Variants in ZFYVE26 observed in about 807,000 individuals in gnomAD.
ZFYVE26 encodes zinc finger FYVE-type containing 26.
Under a neutral mutation model 276.5 loss-of-function variants are expected in ZFYVE26, and 181 were observed. That is an observed-to-expected ratio of 0.65 (90% CI 0.58 to 0.74). The LOEUF (loss-of-function observed/expected upper bound fraction) is 0.74, where lower values mean the gene tolerates loss of function less well. Ranked by LOEUF, ZFYVE26 falls within the 30% of genes least tolerant of loss-of-function variation. The pLI, the probability that ZFYVE26 is intolerant of heterozygous loss-of-function variation, is 0.00. For missense variants in ZFYVE26, 2,821 were observed against 3,097.9 expected, an observed-to-expected ratio of 0.91 and a Z score of 2.12; for synonymous variants, 1,129 against 1,203.1, an observed-to-expected ratio of 0.94 and a Z score of 1.27.
chr14:67,781,623 C>G (rs1402858660), intron 21 of ZFYVE26, 94 bp from the exon 22 acceptor site: 1 of 1,195,138 alleles, frequency 8.4e-7, no homozygotes, highest in Non-Finnish European at 1.2e-6. Context: ...TTTCTTCAAT[C>G]TCGTAAAAGA....
intron 13 of ZFYVE26, among the ~76,000 whole-genome samples, chr14:67,738,334 T>C (rs1480730358): frequency 6.8e-6 from 1 of 147,856 alleles, no homozygotes. Flanking sequence ...ATAATAATTA[T>C]ATACTAATAT....
At chr14:67,784,026 C>T (rs987052428) in intron 20 of ZFYVE26, among the ~76,000 whole-genome samples, 3 of 152,204 alleles carry the variant, frequency 2.0e-5, no homozygotes, top group African/African-American at 7.2e-5. Flanking sequence ...CACTTGCATT[C>T]TCTGAGAATG....
intron 31 of ZFYVE26, 128 bp downstream of exon 31, chr14:67,767,572 CTGGT>C: frequency 1.6e-6 from 2 of 1,225,840 alleles, no homozygotes; most frequent in Non-Finnish European, 2.4e-6. Flanking sequence ...AATGGATTTA[CTGGT>C]TTAGCTCCCA....
rs140263289 is a variant in ZFYVE26 at position 67,785,336 on chromosome 14, G to A, written c.3305-59C>T. 5.3e-4 allele frequency: 785 copies of A among 1,473,200 alleles called. 5 individuals are homozygous for A. In the African/African-American group the frequency reaches 9.8e-3, roughly 18 times the overall value. 91.3% of individuals were successfully genotyped at this position (1,473,200 alleles called of 1,614,324 possible). On this transcript the variant is annotated intron_variant, in intron 18 of 41. Transcript: ENST00000347230. ...CTTCAGTCTGTGAGTCCAGCTTTGG[G>A]TCAATTTCTGACTGGATATGTGAAC...
At position 67,747,686 on chromosome 14, in the gene ZFYVE26, A is replaced by G. The variant is rs1307729661; in HGVS notation, c.*750T>C. The G allele has an allele frequency of 2.8e-5, 3 of 107,504 alleles. No homozygotes were observed. The highest frequency in any genetic ancestry group is 1.5e-4 in the Admixed American group (1 of 6,768). The allele number at this position is 107,504 out of a possible 1,614,324, so 6.7% of individuals were successfully genotyped here. On this transcript the variant is annotated 3_prime_UTR_variant, in exon 42 of 42. Coordinates refer to ENST00000347230, the MANE Select transcript of ZFYVE26 (RefSeq NM_015346.4). ...CCGCCTCCCCTGTATCCCTGTTTGG[A>G]TGGTTAGCCTTTCTTTCCCTCTTGC...
intron 39 of ZFYVE26, 130 bp downstream of exon 39, chr14:67,753,577 T>C: frequency 1.9e-6 from 2 of 1,040,576 alleles, no homozygotes; most frequent in Non-Finnish European, 2.9e-6. Context: ...AGTCACATCC[T>C]TGATTTCATC....
At chr14:67,750,414 C>T (rs138395907) in intron 41 of ZFYVE26, 1 of 155,140 alleles carries the variant, frequency 6.4e-6, no homozygotes, top group East Asian at 1.9e-4. Context: ...TCATGCCCCT[C>T]CTGGCCTGGG....
intron 13 of ZFYVE26, among the ~76,000 whole-genome samples, chr14:67,739,430 A>G (rs542633888): frequency 7.0e-4 from 107 of 152,328 alleles, no homozygotes; most frequent in African/African-American, 2.5e-3. Flanking sequence ...TGACCTTATT[A>G]AGTCTGTGTC....
intron 32 of ZFYVE26, among the ~76,000 whole-genome samples, chr14:67,765,533 T>C (rs2039033796): frequency 6.6e-6 from 1 of 152,102 alleles, no homozygotes; most frequent in African/African-American, 2.4e-5. Flanking sequence ...GCAGAGAAAA[T>C]TATGCTCCCT....
intron 17 of ZFYVE26, 41 bp from the exon 18 acceptor site, chr14:67,786,063 C>G: frequency 6.2e-7 from 1 of 1,614,132 alleles, no homozygotes; most frequent in South Asian, 1.1e-5. Flanking sequence ...AAGTCTGTTG[C>G]TGACCTAATG....
In ZFYVE26 at chr14:67,748,326, GGGCAGAGCCA is replaced by G; in HGVS notation, c.*100_*109del. On this transcript the variant is annotated 3_prime_UTR_variant, in exon 42 of 42. Coordinates refer to ENST00000347230, the MANE Select transcript of ZFYVE26 (RefSeq NM_015346.4). ...GTCCAATCCAACTCTTTCCAACCTA[GGGCAGAGCCA>G]GAGAAGTCCCACTCCACTGGAGGAA... 1 of 1,276,688 alleles carries G rather than the reference GGGCAGAGCCA, an allele frequency of 7.8e-7. No individual in the cohort carries two copies. The highest frequency in any genetic ancestry group is 1.1e-6 in the Non-Finnish European group (1 of 919,362). 79.1% of individuals were successfully genotyped at this position (1,276,688 alleles called of 1,614,324 possible).
At chr14:67,768,412 G>A (rs2039115430) in intron 30 of ZFYVE26, 105 bp downstream of exon 30, 1 of 1,272,614 alleles carries the variant, frequency 7.9e-7, no homozygotes, top group Non-Finnish European at 1.1e-6. Flanking sequence ...AAGTTGGATG[G>A]AGTGCATAAG....
Position 67,813,982 on chromosome 14 carries a change from T to G in ZFYVE26, c.273+4A>C, listed in dbSNP as rs2040350224. The G allele has an allele frequency of 1.9e-6, 3 of 1,611,930 alleles. No homozygotes were observed. Among genetic ancestry groups the G allele is most frequent in the Admixed American group, 1.7e-5 (1 of 59,936 alleles). On this transcript the variant is annotated splice_donor_region_variant and intron_variant, in intron 3 of 41. Coordinates refer to ENST00000347230, the MANE Select transcript of ZFYVE26 (RefSeq NM_015346.4). ...GGAGGAAAATTTAATATAAACCTAC[T>G]TACCTTTTCCCGGGCCAACCATTTC...
At chr14:67,793,545 A>ATGCTCCGAGCCTTACC (rs1292053877) in intron 14 of ZFYVE26, 63 bp downstream of exon 14, 2 of 1,576,520 alleles carry the variant, frequency 1.3e-6, no homozygotes, top group Admixed American at 3.7e-5. Flanking sequence ...CTGGTTGTAC[A>ATGCTCCGAGCCTTACC]TGCTCCGAGC....
chr14:67,759,234 G>T (rs2038867939), intron 35 of ZFYVE26, among the ~76,000 whole-genome samples: 1 of 103,036 alleles, frequency 9.7e-6, no homozygotes, highest in African/African-American at 3.7e-5. Context: ...GACAGAGCCA[G>T]ACTCTGTCTG....
chr14:67,770,891 A>G (rs556330941), intron 28 of ZFYVE26, among the ~76,000 whole-genome samples: 4 of 152,338 alleles, frequency 2.6e-5, no homozygotes, highest in East Asian at 3.9e-4. Flanking sequence ...ACAAGCCACA[A>G]CCAATTGTCC....
chr14:67,756,012 G>A lies in ZFYVE26; in HGVS notation c.6722C>T (p.Ala2241Val). ...LESWGKYLIA[A>V]CQHLQKKNYY... ...GTTCTTCTTCTGTAAATGTTGGCAG[G>A]CAGCAATCAAGTACTTTCCCCAGCT... Residue 2241 changes from alanine (A) to valine (V), a missense_variant, in exon 36 of 42, where the codon GCC (alanine) becomes GTC (valine). Ala to Val is a moderately conservative substitution (Grantham distance 64). Coordinates refer to ENST00000347230, the MANE Select transcript of ZFYVE26 (RefSeq NM_015346.4). The A allele has an allele frequency of 6.2e-7, 1 of 1,614,238 alleles. No homozygotes were observed. The highest frequency in any genetic ancestry group is 8.5e-7 in the Non-Finnish European group (1 of 1,180,046).
chr14:67,806,767 G>A, intron 5 of ZFYVE26, 92 bp from the exon 6 acceptor site: 31 of 1,526,076 alleles, frequency 2.0e-5, no homozygotes, highest in Non-Finnish European at 2.6e-5. Flanking sequence ...GTGAGAGTTT[G>A]CTCTTTTAAA....
At chr14:67,762,551 G>A (rs745387361) in intron 33 of ZFYVE26, 121 bp downstream of exon 33, 29 of 1,562,826 alleles carry the variant, frequency 1.9e-5, no homozygotes, top group African/African-American at 2.7e-5. Context: ...AACTAGTCAT[G>A]TCCCCGATTC....
Sources: gnomAD v4.1 joint callset for allele counts (sites outside exome capture counted in the v4.1 genomes callset) on GRCh38, gnomAD v4.1.1 for gene constraint, MANE v1.5 for transcripts, NCBI Gene and HGNC (gene_info 2026-07-23, HGNC 2026-07-21) for gene names.